The following UPF2 variants were observed in gnomAD, a reference collection of about 807,000 sequenced individuals.
The protein encoded by UPF2 is regulator of nonsense transcripts 2.
A neutral mutation model predicts 141.4 loss-of-function variants in UPF2; 17 were observed. The observed-to-expected ratio is 0.12, with a 90% CI of 0.08 to 0.18. The LOEUF (loss-of-function observed/expected upper bound fraction) is 0.18, where lower values mean the gene tolerates loss of function less well. Among genes scored for constraint, UPF2 ranks in the 10% least tolerant of loss-of-function variants. The pLI, the probability that UPF2 is intolerant of heterozygous loss-of-function variation, is 1.00. For missense variants in UPF2, 1,152 were observed against 1,515.9 expected, an observed-to-expected ratio of 0.76 and a Z score of 3.99; for synonymous variants, 540 against 498.0, an observed-to-expected ratio of 1.08 and a Z score of -1.12.
intron 4 of UPF2, among the ~76,000 whole-genome samples, 176 bp downstream of exon 4, chr10:12,013,848 C>T (rs1040346908): frequency 6.6e-6 from 1 of 152,184 alleles, no homozygotes; most frequent in African/African-American, 2.4e-5. Flanking sequence ...GATCCTCTTA[C>T]CTTGGATTCC....
chr10:11,972,588 T>A (rs1833438164), intron 9 of UPF2, among the ~76,000 whole-genome samples: 1 of 152,134 alleles, frequency 6.6e-6, no homozygotes, highest in Non-Finnish European at 1.5e-5. Flanking sequence ...TGTGTCCAAG[T>A]GTTCTGATTG....
chr10:12,013,341 A>G (rs1834164760), intron 4 of UPF2, among the ~76,000 whole-genome samples: 1 of 150,034 alleles, frequency 6.7e-6, no homozygotes. Flanking sequence ...CAGTGGCACA[A>G]TCTCGGCTCA....
chr10:11,959,039 TTAGGG>T lies in UPF2; in HGVS notation c.2370+127_2370+131del. 1 of 702,326 alleles carries T rather than the reference TTAGGG, an allele frequency of 1.4e-6. No homozygotes were observed. The highest frequency in any genetic ancestry group is 3.9e-4 in the Middle Eastern group (1 of 2,574). 43.5% of individuals were successfully genotyped at this position (702,326 alleles called of 1,614,324 possible). A position where few individuals can be genotyped will look rare whatever the true frequency, so the allele number is the denominator to read the frequency against. Reference sequence around the variant, plus strand: ...TATATATCATCATAAGAATTCCTTCTTAGGGTGACTTACACAGAGCTGATTATAAA... The same window carrying T: ...TATATATCATCATAAGAATTCCTTCTTGACTTACACAGAGCTGATTATAAA... On this transcript the variant is annotated intron_variant, in intron 12 of 21. Transcript: ENST00000357604. This position sits in a 1 kb window ranked among gnomAD's most constrained non-coding sequence, Gnocchi z 5.9.
intron 8 of UPF2, among the ~76,000 whole-genome samples, chr10:11,995,748 A>C (rs981484070): frequency 6.6e-6 from 1 of 152,040 alleles, no homozygotes; most frequent in Non-Finnish European, 1.5e-5. Context: ...GCACCACTGC[A>C]CTCCAGCCTG....
At position 11,955,620 on chromosome 10, in the gene UPF2, G is replaced by C. The variant is rs1005660908; in HGVS notation, c.2575-113C>G. 7.6e-6 allele frequency: 8 copies of C among 1,055,708 alleles called. No homozygotes were observed. The South Asian group carries it at 9.1e-5, about 12-fold the overall frequency. 65.4% of individuals were successfully genotyped at this position (1,055,708 alleles called of 1,614,324 possible). ...TCTATTACTGAAAGAACACTGAATAGAGAAATGACAGATCTTTTCTAATAA... is the reference window on the plus strand; with the variant it reads ...TCTATTACTGAAAGAACACTGAATACAGAAATGACAGATCTTTTCTAATAA... On this transcript the variant is annotated intron_variant, in intron 13 of 21. Transcript: ENST00000357604.
intron 9 of UPF2, among the ~76,000 whole-genome samples, chr10:11,975,229 C>G (rs1833487085): frequency 6.6e-6 from 1 of 152,116 alleles, no homozygotes; most frequent in Admixed American, 6.5e-5. Flanking sequence ...CCACTGCACT[C>G]CACCTTGGGT....
At chr10:12,033,214 G>A (rs961881280) in intron 2 of UPF2, among the ~76,000 whole-genome samples, 2 of 151,788 alleles carry the variant, frequency 1.3e-5, no homozygotes, top group South Asian at 4.2e-4. Flanking sequence ...GACTAACTTA[G>A]AAAAAAAAGA....
rs569684877 is a variant in UPF2, at chr10:12,042,523, C to G, written c.-19+232G>C. On this transcript the variant is annotated intron_variant, in intron 1 of 21. Transcript: ENST00000357604. This position sits in a 1 kb window ranked among gnomAD's most constrained non-coding sequence, Gnocchi z 5.5. ...GGGCAGGCACCTCCTCCACCGCCCC[C>G]CAAGCATGGCCCGGCCCGGGGGCTC... Among the ~76,000 whole-genome samples the G allele has an allele frequency of 1.7e-3, 265 of 152,306 alleles. 5 individuals are homozygous for G. The highest frequency in any genetic ancestry group is 5.8e-4 in the East Asian group (3 of 5,172).
chr10:12,031,178 A>G (rs1834516899), intron 2 of UPF2, among the ~76,000 whole-genome samples: 1 of 151,100 alleles, frequency 6.6e-6, no homozygotes, highest in Admixed American at 6.6e-5. Context: ...CATCTCAAAA[A>G]AAAAAAAAAA....
intron 4 of UPF2, among the ~76,000 whole-genome samples, chr10:12,010,650 A>T (rs950670697): frequency 2.0e-5 from 3 of 152,172 alleles, no homozygotes; most frequent in Non-Finnish European, 4.4e-5. Context: ...GGTGACGAAG[A>T]AGGAAAGAGA....
chr10:11,986,938 A>G (rs930538561), intron 8 of UPF2, among the ~76,000 whole-genome samples: 2 of 152,224 alleles, frequency 1.3e-5, no homozygotes, highest in African/African-American at 4.8e-5. Context: ...TTCAAGAATC[A>G]AGGGCAGCAC....
intron 4 of UPF2, among the ~76,000 whole-genome samples, chr10:12,013,524 C>T (rs1466068041): frequency 6.6e-6 from 1 of 152,074 alleles, no homozygotes; most frequent in Non-Finnish European, 1.5e-5. Flanking sequence ...CCTCCCGCCT[C>T]GGCCTCCCAA....
Position 12,019,612 on chromosome 10 carries a change from A to G in UPF2, c.1146-5428T>C, listed in dbSNP as rs1834282413. On this transcript the variant is annotated intron_variant, in intron 3 of 21. Coordinates refer to ENST00000357604, the MANE Select transcript of UPF2 (RefSeq NM_015542.4). The surrounding 1 kb of genome is among the most constrained non-coding windows in gnomAD (Gnocchi z 4.5). ...GAGAACAAAATCTATGCCAACTCTT[A>G]TGCTTTGTTATAAAAATAAAAAAAA... is the stretch of plus-strand genomic sequence containing the variant. Among the ~76,000 whole-genome samples, 1 of 152,240 alleles carries G rather than the reference A, an allele frequency of 6.6e-6. No homozygotes were observed. Among genetic ancestry groups the G allele is most frequent in the African/African-American group, 2.4e-5 (1 of 41,460 alleles).
At chr10:12,031,006 C>T (rs1680765220) in intron 2 of UPF2, among the ~76,000 whole-genome samples, 1 of 151,212 alleles carries the variant, frequency 6.6e-6, no homozygotes, top group South Asian at 2.1e-4. Context: ...AACCCCGTCT[C>T]TACTAAAAAT....
At chr10:11,994,660 G>C (rs753883336) in intron 8 of UPF2, among the ~76,000 whole-genome samples, 69 of 152,146 alleles carry the variant, frequency 4.5e-4, no homozygotes, top group Non-Finnish European at 7.4e-5. Context: ...ACTTGGTGTT[G>C]GAGATGCACA....
chr10:11,993,902 T>C (rs1026261409), intron 8 of UPF2, among the ~76,000 whole-genome samples: 1 of 152,094 alleles, frequency 6.6e-6, no homozygotes, highest in African/African-American at 2.4e-5. Context: ...CGTGAAAGGA[T>C]TGCTAGAGCC....
rs558906875 is a variant in UPF2 at position 11,979,706 on chromosome 10, A to G, written c.1845-541T>C. ...CAGATCATGAGGTAAAGAGATCAAG[A>G]CTATCCTGGCTAACACGGTGAAACC... On this transcript the variant is annotated intron_variant, in intron 8 of 21. Coordinates refer to ENST00000357604, the MANE Select transcript of UPF2 (RefSeq NM_015542.4). The surrounding 1 kb of genome is among the most constrained non-coding windows in gnomAD (Gnocchi z 6.2). Among the ~76,000 whole-genome samples, 24 of 152,290 alleles carry G rather than the reference A, an allele frequency of 1.6e-4. No homozygotes were observed. Among genetic ancestry groups the G allele is most frequent in the African/African-American group, 5.5e-4 (23 of 41,548 alleles).
chr10:12,035,203 T>G lies in UPF2; in HGVS notation c.221A>C (p.Lys74Thr), dbSNP rs190229269. Residue 74 changes from lysine (K) to threonine (T), a missense_variant, in exon 2 of 22, where the codon AAA becomes ACA. Lys to Thr is a moderately conservative substitution (Grantham distance 78). Transcript: ENST00000357604. ...TGCCTTCACCTTTTCTTCGTCTTTT[T>G]TCTTGCGTTCCTTGTCTTCCTTTTT... ...KRKKEDKERK[K>T]KDEEKVKAEE... 8.4e-5 allele frequency: 136 copies of G among 1,613,754 alleles called. 1 individual carries two copies. In the East Asian group the frequency reaches 1.0e-3, roughly 12 times the overall value.
intron 14 of UPF2, among the ~76,000 whole-genome samples, chr10:11,954,643 A>AAATAT (rs1439199969): frequency 1.1e-4 from 14 of 128,350 alleles, no homozygotes; most frequent in East Asian, 4.3e-4. Context: ...CAAAAAAAAA[A>AAATAT]ATATATATAT....
Sources: allele counts gnomAD v4.1 joint callset (sites outside exome capture counted in the v4.1 genomes callset), GRCh38; gene constraint gnomAD v4.1.1; non-coding constraint Gnocchi (gnomAD v3.1); transcripts MANE v1.5; gene names NCBI Gene and HGNC (gene_info 2026-07-23, HGNC 2026-07-21).